ZMYND8: variants seen among roughly 807,000 people sequenced by gnomAD.
ZMYND8 encodes the protein zinc finger MYND-type containing 8.
ZMYND8 carries 37 observed loss-of-function variants against 140.8 expected under a neutral mutation model. That is an observed-to-expected ratio of 0.26 (90% confidence interval 0.20 to 0.35). The LOEUF (loss-of-function observed/expected upper bound fraction) is 0.35, where lower values mean the gene tolerates loss of function less well. Ranked by LOEUF, ZMYND8 falls within the 10% of genes least tolerant of loss-of-function variation. The pLI is 1.00. For missense variants in ZMYND8, 1,068 were observed against 1,570.0 expected, an observed-to-expected ratio of 0.68 and a Z score of 5.40; for synonymous variants, 592 against 597.1, an observed-to-expected ratio of 0.99 and a Z score of 0.12.
At chr20:47,238,677 A>T in intron 15 of ZMYND8, 81 bp downstream of exon 15, 3 of 1,541,648 alleles carry the variant, frequency 1.9e-6, no homozygotes, top group South Asian at 1.2e-5. Flanking sequence ...AAAAAAAAAA[A>T]TAAAAGAGCA....
intron 9 of ZMYND8, among the ~76,000 whole-genome samples, chr20:47,282,598 G>A (rs890671771): frequency 6.6e-6 from 1 of 152,014 alleles, no homozygotes; most frequent in East Asian, 1.9e-4. Flanking sequence ...GGTGGCACAC[G>A]CCTGTAGTCC....
chr20:47,351,678 G>A, intron 1 of ZMYND8: 2 of 985,362 alleles, frequency 2.0e-6, no homozygotes, highest in Non-Finnish European at 2.4e-6. Flanking sequence ...GGGGGGGAAT[G>A]GTTAGCAGAG....
chr20:47,355,664 CAGG>C (rs763957348), intron 1 of ZMYND8: 6 of 197,278 alleles, frequency 3.0e-5, no homozygotes, highest in Non-Finnish European at 5.5e-5. Flanking sequence ...CTCCATGACA[CAGG>C]AGAAGAGAGG....
intron 6 of ZMYND8, among the ~76,000 whole-genome samples, chr20:47,290,968 G>A (rs2077229483): frequency 6.6e-6 from 1 of 152,022 alleles, no homozygotes; most frequent in Non-Finnish European, 1.5e-5. Context: ...ATAATTTAAT[G>A]AAGTACTTAT....
chr20:47,346,528 G>T (rs1428388698), intron 2 of ZMYND8, among the ~76,000 whole-genome samples: 1 of 151,964 alleles, frequency 6.6e-6, no homozygotes. Flanking sequence ...TGTGACCCCT[G>T]CCAGAGATCA....
At chr20:47,311,540 T>G (rs111814996) in intron 2 of ZMYND8, among the ~76,000 whole-genome samples, 3 of 152,306 alleles carry the variant, frequency 2.0e-5, no homozygotes, top group African/African-American at 7.2e-5. Flanking sequence ...AGTGCTGCAA[T>G]GCAGTCATCT....
intron 2 of ZMYND8, among the ~76,000 whole-genome samples, chr20:47,314,152 C>T (rs1197921479): frequency 6.6e-6 from 1 of 152,066 alleles, no homozygotes; most frequent in Admixed American, 6.5e-5. Context: ...GATTATTTTC[C>T]ACTCTATACC....
intron 18 of ZMYND8, among the ~76,000 whole-genome samples, chr20:47,225,335 T>C (rs184733402): frequency 1.3e-5 from 2 of 151,714 alleles, no homozygotes; most frequent in Admixed American, 1.3e-4. Context: ...CTGAGGCAGA[T>C]GGATCACCTG....
intron 14 of ZMYND8, among the ~76,000 whole-genome samples, chr20:47,242,344 G>C (rs1242787857): frequency 6.6e-6 from 1 of 152,170 alleles, no homozygotes; most frequent in Non-Finnish European, 1.5e-5. Context: ...AAGAGCCTGG[G>C]GTGGGTCTGG....
At position 47,276,402 on chromosome 20, in the gene ZMYND8, G is replaced by A. The variant is rs765033342; in HGVS notation, c.1392C>T (p.Ser464=). The A allele has an allele frequency of 2.7e-5, 43 of 1,610,926 alleles. No individual in the cohort carries two copies. The highest frequency in any genetic ancestry group is 3.3e-5 in the Non-Finnish European group (39 of 1,177,432). ...MSTNSSVHTG[S]DVEQDAEKKA... ...TCTTCTCAGCATCCTGCTCCACGTCGGAGCCCGTGTGCACAGAAGAGTTTG... is the reference window on the plus strand; with the variant it reads ...TCTTCTCAGCATCCTGCTCCACGTCAGAGCCCGTGTGCACAGAAGAGTTTG... The change falls in exon 11 of 23, where the codon TCC becomes TCT. Residue 464 remains serine, a synonymous_variant. Coordinates refer to ENST00000471951, the MANE Select transcript of ZMYND8 (RefSeq NM_001281775.3).
intron 13 of ZMYND8, among the ~76,000 whole-genome samples, chr20:47,246,837 A>C (rs553462242): frequency 6.6e-6 from 1 of 152,266 alleles, no homozygotes; most frequent in South Asian, 2.1e-4. Context: ...GAGAATGAAG[A>C]GGGCTGGAAG....
At chr20:47,221,655 T>C (rs933181390) in intron 19 of ZMYND8, among the ~76,000 whole-genome samples, 181 bp from the exon 20 acceptor site, 4 of 152,200 alleles carry the variant, frequency 2.6e-5, no homozygotes, top group Non-Finnish European at 5.9e-5. Context: ...TTCCAAACTT[T>C]AGAATTCCAA....
chr20:47,271,250 TAACATGGGTGTGTAA>T (rs1343948711), intron 11 of ZMYND8, among the ~76,000 whole-genome samples: 7 of 152,138 alleles, frequency 4.6e-5, no homozygotes, highest in African/African-American at 1.7e-4. Flanking sequence ...CACTTATGGG[TAACATGGGTGTGTAA>T]AACTTACCCA....
chr20:47,289,385 CA>C (rs1244499374), intron 7 of ZMYND8, among the ~76,000 whole-genome samples: 1 of 152,088 alleles, frequency 6.6e-6, no homozygotes, highest in Non-Finnish European at 1.5e-5. Flanking sequence ...AACCACTTTG[CA>C]AAAACTGTTT....
At chr20:47,335,848 C>T (rs1195722957) in intron 2 of ZMYND8, among the ~76,000 whole-genome samples, 1 of 152,148 alleles carries the variant, frequency 6.6e-6, no homozygotes, top group Non-Finnish European at 1.5e-5. Flanking sequence ...ATTTGCAAAA[C>T]CATAATCAGA....
At chr20:47,228,811 A>T (rs1356530220) in intron 17 of ZMYND8, among the ~76,000 whole-genome samples, 1 of 151,854 alleles carries the variant, frequency 6.6e-6, no homozygotes, top group Admixed American at 6.6e-5. Context: ...ACCTTAAATG[A>T]CCTCTGTAAG....
chr20:47,212,524 CAAAAG>C, intron 22 of ZMYND8, 113 bp downstream of exon 22: 6 of 1,206,382 alleles, frequency 5.0e-6, no homozygotes, highest in Admixed American at 1.8e-5. Context: ...ACCCACAACT[CAAAAG>C]AACAGGAGAA....
At chr20:47,353,539 A>G (rs1157515385) in intron 1 of ZMYND8, 1 of 152,242 alleles carries the variant, frequency 6.6e-6, no homozygotes, top group East Asian at 1.9e-4. Flanking sequence ...TGGAGCTAAT[A>G]AAAGCAGTTA....
intron 2 of ZMYND8, among the ~76,000 whole-genome samples, chr20:47,333,739 A>AC (rs1342155039): frequency 1.3e-4 from 19 of 142,684 alleles, no homozygotes; most frequent in African/African-American, 5.0e-4. Flanking sequence ...AAAAAAAAAA[A>AC]AAAAAAAAAA....
Sources: gnomAD v4.1 joint callset for allele counts (sites outside exome capture counted in the v4.1 genomes callset) on GRCh38, gnomAD v4.1.1 for gene constraint, MANE v1.5 for transcripts, NCBI Gene and HGNC (gene_info 2026-07-23, HGNC 2026-07-21) for gene names.